The following OTUD5 variants were observed in gnomAD, a reference collection of about 807,000 sequenced individuals.
OTUD5 encodes OTU domain-containing protein 5.
A neutral mutation model predicts 36.3 loss-of-function variants in OTUD5; 2 were observed. The observed-to-expected ratio is 0.06, with a 90% confidence interval of 0.02 to 0.17. OTUD5 has a LOEUF of 0.17. Ranked by LOEUF, OTUD5 falls within the 10% of genes least tolerant of loss-of-function variation. The pLI is 1.00. For missense variants in OTUD5, 233 were observed against 512.3 expected, an observed-to-expected ratio of 0.45 and a Z score of 5.26; for synonymous variants, 234 against 214.9, an observed-to-expected ratio of 1.09 and a Z score of -0.78.
chrX:48,936,144 G>A (rs1273195305), intron 2 of OTUD5: 3 of 109,911 alleles, frequency 2.7e-5, no homozygotes, highest in Non-Finnish European at 3.8e-5. Context: ...CCTACCTTCG[G>A]GGAGCACACA....
At chrX:48,935,140 G>T in intron 2 of OTUD5, 122 bp from the exon 3 acceptor site, 2 of 660,820 alleles carry the variant, frequency 3.0e-6, no homozygotes, top group South Asian at 2.6e-5. Context: ...TCTACCCCAA[G>T]GCCTGGAGAG....
At chrX:48,950,409 G>A (rs1315868941) in intron 1 of OTUD5, among the ~76,000 whole-genome samples, 21 of 110,779 alleles carry the variant, frequency 1.9e-4, no homozygotes, top group African/African-American at 6.6e-4. Flanking sequence ...AGAGGCTAGA[G>A]AAGGTCTAAA....
chrX:48,929,959 C>T (rs1488330076), intron 5 of OTUD5, among the ~76,000 whole-genome samples: 1 of 109,172 alleles, frequency 9.2e-6, no homozygotes, highest in East Asian at 2.9e-4. Context: ...AAAAAATTAG[C>T]CAGGTGTGGT....
At chrX:48,957,714 C>G (rs1232067138), upstream of OTUD5, 4 of 791,863 alleles carry the variant, frequency 5.1e-6, no homozygotes, top group Non-Finnish European at 6.0e-6. Context: ...TTCGAGAACC[C>G]TCGGCGGCGG....
intron 1 of OTUD5, 83 bp downstream of exon 1, chrX:48,956,894 C>G: frequency 1.0e-6 from 1 of 993,825 alleles, no homozygotes; most frequent in Non-Finnish European, 1.3e-6. Flanking sequence ...TTGGGGCGAT[C>G]TCAAACAGCC....
At position 48,954,450 on chromosome X, in the gene OTUD5, T is replaced by C. The variant is rs183569853; in HGVS notation, c.594+2527A>G. 4.5e-5 allele frequency among the ~76,000 whole-genome samples: 5 copies of C among 111,328 alleles called. No homozygotes were observed. In the East Asian group the frequency reaches 1.4e-3, roughly 32 times the overall value. ...GGCTGCATAGGATGTTTTTCCTCTG[T>C]CCCTAGGACCAGTGATGTATGGCTC... On this transcript the variant is annotated intron_variant, in intron 1 of 8. Transcript: ENST00000376488.
Position 48,946,950 on chromosome X carries a change from T to C in OTUD5, c.595-2667A>G, listed in dbSNP as rs140968610. Among the ~76,000 whole-genome samples the C allele has an allele frequency of 2.5e-3, 282 of 112,418 alleles. 1 individual carries two copies. Among genetic ancestry groups the C allele is most frequent in the African/African-American group, 8.8e-3 (273 of 31,003 alleles). ...CTAAGTAAGATACTGGGCTGGGCAG[T>C]GAGGACAGTGAAATGAATCAGACTT... On this transcript the variant is annotated intron_variant, in intron 1 of 8. Coordinates refer to ENST00000376488, the MANE Select transcript of OTUD5 (RefSeq NM_001136157.2).
chrX:48,943,529 C>T (rs782497325), intron 2 of OTUD5, among the ~76,000 whole-genome samples: 4 of 110,903 alleles, frequency 3.6e-5, no homozygotes, highest in South Asian at 3.8e-4. Flanking sequence ...AGGCTGGCCA[C>T]GTATTGACTA....
At position 48,957,367 on chromosome X, in the gene OTUD5, T is replaced by C. The variant is rs782297247; in HGVS notation, c.204A>G (p.Gln68=). Residue 68 remains glutamine, a synonymous_variant, in exon 1 of 9, where the codon CAA becomes CAG. Coordinates refer to ENST00000376488, the MANE Select transcript of OTUD5 (RefSeq NM_001136157.2). ...GARPRASPPP[Q]GPLPGPPGAL... is the part of the protein sequence containing the mutation. ...CGCCCGGCGGTCCTGGTAGCGGGCC[T>C]TGAGGCGGTGGCGAAGCTCGCGGAC... is the stretch of plus-strand genomic sequence containing the variant. 4 of 1,122,621 alleles carry C rather than the reference T, an allele frequency of 3.6e-6. No individual in the cohort carries two copies. The highest frequency in any genetic ancestry group is 4.7e-6 in the Non-Finnish European group (4 of 859,716). The allele number at this position is 1,122,621 out of a possible 1,213,427, so 92.5% of individuals were successfully genotyped here. A position where few individuals can be genotyped will look rare whatever the true frequency, so the allele number is the denominator to read the frequency against.
At chrX:48,942,448 T>C (rs1416897216) in intron 2 of OTUD5, among the ~76,000 whole-genome samples, 1 of 110,224 alleles carries the variant, frequency 9.1e-6, no homozygotes, top group Non-Finnish European at 1.9e-5. Flanking sequence ...TAATCCTAAC[T>C]CCACCAGAAG....
In OTUD5 at chrX:48,957,355, T is replaced by C. The variant is rs782458391; in HGVS notation, c.216A>G (p.Pro72=). The change falls in exon 1 of 9, where the codon CCA becomes CCG. Residue 72 remains proline, a synonymous_variant. Coordinates refer to ENST00000376488, the MANE Select transcript of OTUD5 (RefSeq NM_001136157.2). ...AGCGATGAAGAGCGCCCGGCGGTCCTGGTAGCGGGCCTTGAGGCGGTGGCG... is the reference window on the plus strand; with the variant it reads ...AGCGATGAAGAGCGCCCGGCGGTCCCGGTAGCGGGCCTTGAGGCGGTGGCG... ...RASPPPQGPL[P]GPPGALHRWA... The C allele has an allele frequency of 3.6e-6, 4 of 1,126,179 alleles. No homozygotes were observed. The highest frequency in any genetic ancestry group is 4.6e-6 in the Non-Finnish European group (4 of 861,911). The allele number at this position is 1,126,179 out of a possible 1,213,427, so 92.8% of individuals were successfully genotyped here.
chrX:48,943,017 C>A (rs1249674868), intron 2 of OTUD5, among the ~76,000 whole-genome samples: 1 of 111,037 alleles, frequency 9.0e-6, no homozygotes, highest in Admixed American at 9.6e-5. Flanking sequence ...GAGAGAATAG[C>A]AGACCAAGAA....
Position 48,922,759 on chromosome X carries a change from G to T in OTUD5, c.*415C>A, listed in dbSNP as rs1158330398. The T allele has an allele frequency of 1.3e-6, 1 of 763,372 alleles. No individual in the cohort carries two copies. 62.9% of individuals were successfully genotyped at this position (763,372 alleles called of 1,213,427 possible). On this transcript the variant is annotated 3_prime_UTR_variant, in exon 9 of 9. Coordinates refer to ENST00000376488, the MANE Select transcript of OTUD5 (RefSeq NM_001136157.2). ...CCACCTCCCTGGCATCAGTGTCGGGGGGTGGCGGCAAGTTTTTCTCATCTT... is the reference window on the plus strand; with the variant it reads ...CCACCTCCCTGGCATCAGTGTCGGGTGGTGGCGGCAAGTTTTTCTCATCTT...
intron 5 of OTUD5, among the ~76,000 whole-genome samples, chrX:48,926,466 T>A (rs971216396): frequency 9.1e-6 from 1 of 110,292 alleles, no homozygotes; most frequent in African/African-American, 3.3e-5. Flanking sequence ...TTCTCCAGCC[T>A]CAGCCTCCCA....
At chrX:48,955,425 G>A (rs2064220590) in intron 1 of OTUD5, among the ~76,000 whole-genome samples, 1 of 111,411 alleles carries the variant, frequency 9.0e-6, no homozygotes, top group Non-Finnish European at 1.9e-5. Flanking sequence ...CAGGTCTGGG[G>A]GGAGGAGTCC....
intron 5 of OTUD5, among the ~76,000 whole-genome samples, chrX:48,927,910 T>C (rs2063691276): frequency 8.9e-6 from 1 of 112,063 alleles, no homozygotes; most frequent in African/African-American, 3.2e-5. Context: ...CTCATTAGCA[T>C]ACAAAAAGGC....
chrX:48,941,729 AG>A (rs1347153727), intron 2 of OTUD5, among the ~76,000 whole-genome samples: 1 of 111,497 alleles, frequency 9.0e-6, no homozygotes, highest in Non-Finnish European at 1.9e-5. Context: ...AACACATGGC[AG>A]GAAGTCAGCC....
chrX:48,955,421 T>TG (rs1289304880), intron 1 of OTUD5, among the ~76,000 whole-genome samples: 1 of 111,305 alleles, frequency 9.0e-6, no homozygotes, highest in Non-Finnish European at 1.9e-5. Context: ...GGCTCAGGTC[T>TG]GGGGGGAGGA....
Position 48,923,866 on chromosome X carries a change from A to G in OTUD5, c.1450T>C (p.Ser484Pro). The change falls in exon 7 of 9, where the codon TCG becomes CCG. Residue 484 changes from serine to proline, a missense_variant. By Grantham distance (74) the Ser-to-Pro change is moderately conservative (BLOSUM62 -1). Coordinates refer to ENST00000376488, the MANE Select transcript of OTUD5 (RefSeq NM_001136157.2). ...AGTCACTGACCTGGCGCACAGGGCGAAGGAGGTTTGGCAAGAGCTAAAACA... is the reference window on the plus strand; with the variant it reads ...AGTCACTGACCTGGCGCACAGGGCGGAGGAGGTTTGGCAAGAGCTAAAACA... ...GTVLALAKPP[S>P]PCAPGTSSQF... 8.3e-7 allele frequency: 1 copy of G among 1,211,801 alleles called. No individual in the cohort carries two copies. The highest frequency in any genetic ancestry group is 1.1e-6 in the Non-Finnish European group (1 of 895,340).
Sources: gnomAD v4.1 joint callset for allele counts (sites outside exome capture counted in the v4.1 genomes callset) on GRCh38, gnomAD v4.1.1 for gene constraint, MANE v1.5 for transcripts, NCBI Gene and HGNC (gene_info 2026-07-23, HGNC 2026-07-21) for gene names.